Variants in CNTN5 observed in about 807,000 individuals in gnomAD.
CNTN5 encodes the protein contactin 5.
CNTN5 carries 77 observed loss-of-function variants against 129.1 expected under a neutral mutation model. The observed-to-expected ratio is 0.60, with a 90% CI of 0.50 to 0.72. CNTN5 has a LOEUF of 0.72. CNTN5 is among the 30% of genes least tolerant of loss of function. CNTN5 has a pLI of 0.00. For missense variants in CNTN5, 1,478 were observed against 1,328.8 expected (o/e 1.11, Z -1.75); for synonymous variants, 509 against 465.6 (o/e 1.09, Z -1.20).
intron 13 of CNTN5, among the ~76,000 whole-genome samples, chr11:100,154,612 T>C (rs1023488728): frequency 1.3e-5 from 2 of 152,132 alleles, no homozygotes; most frequent in Admixed American, 1.3e-4. Flanking sequence ...TCTTCCACAA[T>C]GGTTGAATGA....
chr11:99,133,333 A>T (rs1014639425), intron 1 of CNTN5, among the ~76,000 whole-genome samples: 2 of 152,110 alleles, frequency 1.3e-5, no homozygotes, highest in Non-Finnish European at 2.9e-5. Context: ...ACCATTTAAG[A>T]CATAGGCATG....
chr11:99,908,101 C>G (rs1342777380), intron 6 of CNTN5, among the ~76,000 whole-genome samples: 1 of 151,980 alleles, frequency 6.6e-6, no homozygotes, highest in East Asian at 1.9e-4. Context: ...CAGGCTAAAT[C>G]TGGCTATACA....
At chr11:99,047,359 C>A (rs556254289) in intron 1 of CNTN5, among the ~76,000 whole-genome samples, 2 of 144,040 alleles carry the variant, frequency 1.4e-5, no homozygotes, top group African/African-American at 2.6e-5. Context: ...TAATATGCAA[C>A]ACTGATCTTA....
In CNTN5 at chr11:100,349,202, G is replaced by C. The variant is rs559574030; in HGVS notation, c.3031-1500G>C. 2.0e-5 allele frequency among the ~76,000 whole-genome samples: 3 copies of C among 152,054 alleles called. No homozygotes were observed. The South Asian group carries it at 6.2e-4, about 31-fold the overall frequency. ...TATTACTAGAATTCAGAGGGTTCAA[G>C]TACACGCAGGCTTCAATATGTGGAA... On this transcript the variant is annotated intron_variant, in intron 23 of 24. Coordinates refer to ENST00000524871, the MANE Select transcript of CNTN5 (RefSeq NM_014361.4).
At chr11:99,498,839 G>T (rs1389417753) in intron 2 of CNTN5, among the ~76,000 whole-genome samples, 2 of 152,116 alleles carry the variant, frequency 1.3e-5, no homozygotes, top group Non-Finnish European at 2.9e-5. Context: ...GTGAGAGTGT[G>T]TGAGATCCAA....
intron 2 of CNTN5, among the ~76,000 whole-genome samples, chr11:99,545,195 A>G (rs200185472): frequency 6.6e-6 from 1 of 152,370 alleles, no homozygotes; most frequent in East Asian, 1.9e-4. Context: ...AAGTACAAAA[A>G]TGTATATGAC....
At chr11:99,325,505 A>C (rs993075327) in intron 2 of CNTN5, 21 bp downstream of exon 2, 1 of 152,110 alleles carries the variant, frequency 6.6e-6, no homozygotes, top group Non-Finnish European at 1.5e-5. Context: ...TCTTTATTAA[A>C]CTGCCTATAA....
At chr11:99,434,927 T>G (rs1433330970) in intron 2 of CNTN5, among the ~76,000 whole-genome samples, 1 of 152,170 alleles carries the variant, frequency 6.6e-6, no homozygotes, top group South Asian at 2.1e-4. Context: ...GTACGTATGA[T>G]TTAAGATTTA....
Position 99,027,199 on chromosome 11 carries a change from T to C in CNTN5, c.-210+5929T>C, listed in dbSNP as rs12269999. On this transcript the variant is annotated intron_variant, in intron 1 of 24. Coordinates refer to ENST00000524871, the MANE Select transcript of CNTN5 (RefSeq NM_014361.4). ...TTAAGTGATTTTATTCCATGGCATATATGTAAGGGAACATCCATTTGCCCT... is the reference window on the plus strand; with the variant it reads ...TTAAGTGATTTTATTCCATGGCATACATGTAAGGGAACATCCATTTGCCCT... Among the ~76,000 whole-genome samples, 470 of 151,712 alleles carry C rather than the reference T, an allele frequency of 3.1e-3. 5 individuals carry two copies. The highest frequency in any genetic ancestry group is 0.01 in the African/African-American group (429 of 41,534).
intron 1 of CNTN5, among the ~76,000 whole-genome samples, chr11:99,253,272 TC>T (rs1435102564): frequency 1.3e-5 from 2 of 152,034 alleles, no homozygotes; most frequent in African/African-American, 4.8e-5. Context: ...CTTATTCACC[TC>T]CCACCATGAT....
intron 3 of CNTN5, among the ~76,000 whole-genome samples, chr11:99,818,375 C>G (rs1946662558): frequency 6.6e-6 from 1 of 152,138 alleles, no homozygotes; most frequent in Non-Finnish European, 1.5e-5. Context: ...CCCAGCTCAG[C>G]TTCCCCAGTA....
intron 6 of CNTN5, among the ~76,000 whole-genome samples, chr11:99,874,070 G>A (rs1948573087): frequency 6.6e-6 from 1 of 152,074 alleles, no homozygotes; most frequent in Non-Finnish European, 1.5e-5. Flanking sequence ...AAAGAGGGAG[G>A]AAGGAATGGG....
chr11:99,849,386 C>T (rs1330609863), intron 6 of CNTN5, among the ~76,000 whole-genome samples: 1 of 151,646 alleles, frequency 6.6e-6, no homozygotes, highest in Non-Finnish European at 1.5e-5. Context: ...TACACATATG[C>T]ATAATTAGTA....
At chr11:99,243,292 C>T (rs936108635) in intron 1 of CNTN5, among the ~76,000 whole-genome samples, 2 of 151,868 alleles carry the variant, frequency 1.3e-5, no homozygotes, top group East Asian at 3.9e-4. Context: ...GTCTTTTGCC[C>T]ATTTTTTAAT....
intron 3 of CNTN5, among the ~76,000 whole-genome samples, chr11:99,790,671 C>G (rs1265951704): frequency 6.6e-6 from 1 of 152,032 alleles, no homozygotes; most frequent in East Asian, 1.9e-4. Context: ...GATTTAGATT[C>G]CCTGGAGTAT....
intron 3 of CNTN5, among the ~76,000 whole-genome samples, chr11:99,575,803 G>T (rs1476435975): frequency 6.6e-6 from 1 of 152,170 alleles, no homozygotes; most frequent in Non-Finnish European, 1.5e-5. Flanking sequence ...TCAGAAGAAA[G>T]AGGAAGGTAG....
At chr11:99,636,790 G>A (rs978734981) in intron 3 of CNTN5, among the ~76,000 whole-genome samples, 3 of 91,278 alleles carry the variant, frequency 3.3e-5, no homozygotes, top group African/African-American at 6.4e-5. Context: ...CAAGGTGGGG[G>A]GATGGACGAG....
At chr11:99,978,110 G>A (rs879165917) in intron 8 of CNTN5, among the ~76,000 whole-genome samples, 1 of 152,184 alleles carries the variant, frequency 6.6e-6, no homozygotes, top group Admixed American at 6.5e-5. Context: ...AGGCTAATTT[G>A]TGTGTTGTGT....
chr11:99,685,807 A>G (rs1953765263), intron 3 of CNTN5, among the ~76,000 whole-genome samples: 1 of 152,010 alleles, frequency 6.6e-6, no homozygotes, highest in Non-Finnish European at 1.5e-5. Context: ...TCCTACTGAA[A>G]TACTTGGATT....
Sources: gnomAD v4.1 joint callset for allele counts (sites outside exome capture counted in the v4.1 genomes callset) on GRCh38, gnomAD v4.1.1 for gene constraint, MANE v1.5 for transcripts, NCBI Gene and HGNC (gene_info 2026-07-23, HGNC 2026-07-21) for gene names.